The following FRMD5 variants were observed in gnomAD, a reference collection of about 807,000 sequenced individuals.
FRMD5 encodes FERM domain containing 5.
In FRMD5, 20 loss-of-function variants were observed where a neutral mutation model predicts 69.0. That is an observed-to-expected ratio of 0.29 (90% CI 0.20 to 0.42). The LOEUF (loss-of-function observed/expected upper bound fraction) is 0.42. FRMD5 is among the 10% of genes least tolerant of loss of function. The pLI is 1.00. For missense variants in FRMD5, 595 were observed against 708.6 expected, an observed-to-expected ratio of 0.84 and a Z score of 1.82; for synonymous variants, 271 against 260.1, an observed-to-expected ratio of 1.04 and a Z score of -0.40.
intron 1 of FRMD5, among the ~76,000 whole-genome samples, chr15:43,972,291 A>G (rs1238916582): frequency 6.6e-6 from 1 of 151,876 alleles, no homozygotes; most frequent in African/African-American, 2.4e-5. Flanking sequence ...GGGGTTAGGG[A>G]GGCCTTTAAA....
At chr15:43,953,498 A>G (rs1229157067) in intron 1 of FRMD5, among the ~76,000 whole-genome samples, 1 of 152,234 alleles carries the variant, frequency 6.6e-6, no homozygotes, top group African/African-American at 2.4e-5. Flanking sequence ...ACAGGAAAAC[A>G]TAAATGAAGA....
At chr15:43,928,498 C>A (rs1225046770) in intron 1 of FRMD5, among the ~76,000 whole-genome samples, 1 of 152,200 alleles carries the variant, frequency 6.6e-6, no homozygotes, top group East Asian at 1.9e-4. Flanking sequence ...GGTGAAATCA[C>A]ATGCAGCTGA....
At chr15:44,071,220 T>G (rs1481390084) in intron 1 of FRMD5, among the ~76,000 whole-genome samples, 1 of 152,164 alleles carries the variant, frequency 6.6e-6, no homozygotes, top group African/African-American at 2.4e-5. Context: ...ACTTGGTGCC[T>G]TCCTCTGAGT....
rs766194026 is a variant in FRMD5 at position 43,909,863 on chromosome 15, T to C, written c.427+19A>G. On this transcript the variant is annotated intron_variant, in intron 5 of 13. Transcript: ENST00000417257. ...GTACTTGGCATGAAAAGCAAACTTA[T>C]CCTGTCAAAAGTCATTACCTTGAAG... 2.5e-5 allele frequency: 37 copies of C among 1,509,764 alleles called. No individual in the cohort carries two copies. Among genetic ancestry groups the C allele is most frequent in the Non-Finnish European group, 3.2e-5 (35 of 1,088,260 alleles). 93.5% of individuals were successfully genotyped at this position (1,509,764 alleles called of 1,614,324 possible).
chr15:44,022,768 G>A (rs1891267005), intron 1 of FRMD5, among the ~76,000 whole-genome samples: 1 of 152,096 alleles, frequency 6.6e-6, no homozygotes, highest in African/African-American at 2.4e-5. Context: ...GGAAGAAAGA[G>A]ACTTGCTCAG....
intron 1 of FRMD5, among the ~76,000 whole-genome samples, chr15:44,077,002 T>G (rs916340601): frequency 6.6e-6 from 1 of 151,952 alleles, no homozygotes; most frequent in Non-Finnish European, 1.5e-5. Context: ...TTCTTGGATA[T>G]AGACTGCTAT....
intron 1 of FRMD5, among the ~76,000 whole-genome samples, chr15:44,008,803 G>T (rs1345447701): frequency 6.6e-6 from 1 of 151,926 alleles, no homozygotes; most frequent in African/African-American, 2.4e-5. Flanking sequence ...GAGGCAGGCA[G>T]ATCACCAGGT....
chr15:44,032,850 A>G (rs1019222871), intron 1 of FRMD5, among the ~76,000 whole-genome samples: 1 of 152,212 alleles, frequency 6.6e-6, no homozygotes, highest in African/African-American at 2.4e-5. Flanking sequence ...CAGCAATCCC[A>G]TTACTGGGTA....
intron 1 of FRMD5, among the ~76,000 whole-genome samples, chr15:43,924,587 G>A (rs148099153): frequency 1.3e-5 from 2 of 152,298 alleles, no homozygotes; most frequent in Admixed American, 6.5e-5. Flanking sequence ...CAAATGCACA[G>A]AGAGCTTTCT....
chr15:43,958,221 T>C (rs2090144293), intron 1 of FRMD5, among the ~76,000 whole-genome samples: 1 of 152,184 alleles, frequency 6.6e-6, no homozygotes, highest in African/African-American at 2.4e-5. Flanking sequence ...TGTAGTTTCA[T>C]GGCTAACACA....
intron 1 of FRMD5, among the ~76,000 whole-genome samples, chr15:44,068,807 C>A (rs1266146500): frequency 6.6e-6 from 1 of 152,058 alleles, no homozygotes; most frequent in Non-Finnish European, 1.5e-5. Context: ...GTATTTTGTT[C>A]CAGATCTATT....
chr15:43,963,524 A>G (rs1329631955), intron 1 of FRMD5, among the ~76,000 whole-genome samples: 4 of 152,212 alleles, frequency 2.6e-5, no homozygotes, highest in Non-Finnish European at 5.9e-5. Context: ...CTAGAACTAG[A>G]AATACCATTT....
intron 1 of FRMD5, among the ~76,000 whole-genome samples, chr15:44,056,091 T>C (rs1333135628): frequency 6.6e-6 from 1 of 152,244 alleles, no homozygotes; most frequent in East Asian, 1.9e-4. Flanking sequence ...TTTAACATTT[T>C]CATTTGCAGT....
chr15:43,977,695 C>A (rs868017477), intron 1 of FRMD5, among the ~76,000 whole-genome samples: 2 of 152,120 alleles, frequency 1.3e-5, no homozygotes, highest in Non-Finnish European at 2.9e-5. Context: ...TTTGGGCAGG[C>A]GTTCTGCAAT....
chr15:43,978,524 A>T (rs909662637), intron 1 of FRMD5, among the ~76,000 whole-genome samples: 12 of 152,180 alleles, frequency 7.9e-5, no homozygotes, highest in Non-Finnish European at 2.9e-5. Flanking sequence ...CTTTATAATG[A>T]TTAAGACGTA....
At chr15:43,997,188 T>C (rs991362593) in intron 1 of FRMD5, among the ~76,000 whole-genome samples, 1 of 152,150 alleles carries the variant, frequency 6.6e-6, no homozygotes, top group Non-Finnish European at 1.5e-5. Flanking sequence ...CTTATGATGA[T>C]AAAGGCCTGA....
At chr15:44,131,489 C>A (rs2077096812) in intron 1 of FRMD5, among the ~76,000 whole-genome samples, 2 of 152,110 alleles carry the variant, frequency 1.3e-5, no homozygotes, top group Admixed American at 6.5e-5. Context: ...TATCTGTATA[C>A]CCATGTTCAT....
intron 1 of FRMD5, among the ~76,000 whole-genome samples, chr15:44,153,256 C>T (rs186311761): frequency 6.6e-6 from 1 of 152,234 alleles, no homozygotes; most frequent in East Asian, 1.9e-4. Context: ...CAAAGAGATA[C>T]TTGTATATCC....
chr15:44,031,985 T>TACTGGTACTAAA (rs543377832), intron 1 of FRMD5, among the ~76,000 whole-genome samples: 1,614 of 152,218 alleles, frequency 0.011, 7 homozygotes, highest in Middle Eastern at 0.034. Flanking sequence ...AACAGCATAG[T>TACTGGTACTAAA]ACTGGTACTA....
Sources: gnomAD v4.1 joint callset for allele counts (sites outside exome capture counted in the v4.1 genomes callset) on GRCh38, gnomAD v4.1.1 for gene constraint, MANE v1.5 for transcripts, NCBI Gene and HGNC (gene_info 2026-07-23, HGNC 2026-07-21) for gene names.